The following GRIA2 variants were observed in gnomAD, a reference collection of about 807,000 sequenced individuals.
GRIA2 encodes the protein glutamate ionotropic receptor AMPA type subunit 2.
Under a neutral mutation model 97.3 loss-of-function variants are expected in GRIA2, and 14 were observed. The ratio of observed to expected loss-of-function variants is 0.14; its 90% CI spans 0.10 to 0.23. The LOEUF is 0.23. Among genes scored for constraint, GRIA2 ranks in the 10% least tolerant of loss-of-function variants. The pLI is 1.00. For synonymous variants in GRIA2, 412 were observed against 387.8 expected (o/e 1.06, Z -0.73); for missense variants, 558 against 1,069.8 (o/e 0.52, Z 6.67).
At chr4:157,289,734 G>A (rs1235668265) in intron 2 of GRIA2, among the ~76,000 whole-genome samples, 1 of 151,684 alleles carries the variant, frequency 6.6e-6, no homozygotes, top group Non-Finnish European at 1.5e-5. Flanking sequence ...ACAGTAGCAT[G>A]CAAGCACACA....
intron 3 of GRIA2, among the ~76,000 whole-genome samples, chr4:157,304,741 G>C (rs538452994): frequency 7.2e-5 from 11 of 152,230 alleles, no homozygotes; most frequent in Admixed American, 5.9e-4. Flanking sequence ...AAACCCAGAA[G>C]CCTATTTCGA....
chr4:157,260,563 A>C (rs1452295430), intron 2 of GRIA2, among the ~76,000 whole-genome samples: 2 of 152,068 alleles, frequency 1.3e-5, no homozygotes, highest in Admixed American at 1.3e-4. Flanking sequence ...ATATCCTGGA[A>C]TTTCCATATA....
chr4:157,280,084 C>T (rs1732527795), intron 2 of GRIA2, among the ~76,000 whole-genome samples: 2 of 152,158 alleles, frequency 1.3e-5, no homozygotes, highest in South Asian at 2.1e-4. Flanking sequence ...GAGATCACGC[C>T]ACTGCACTCC....
intron 2 of GRIA2, among the ~76,000 whole-genome samples, chr4:157,295,698 A>G (rs564346742): frequency 2.0e-5 from 3 of 152,284 alleles, no homozygotes; most frequent in African/African-American, 7.2e-5. Context: ...AATGCAAAGT[A>G]GATGGTTTAA....
At chr4:157,253,006 TG>T (rs1437172187) in intron 2 of GRIA2, among the ~76,000 whole-genome samples, 6 of 152,106 alleles carry the variant, frequency 3.9e-5, no homozygotes, top group Admixed American at 6.6e-5. Context: ...CTCCTAATTT[TG>T]GGGGGACCAT....
chr4:157,312,897 A>G, intron 4 of GRIA2, 22 bp downstream of exon 4: 3 of 1,396,604 alleles, frequency 2.1e-6, no homozygotes, highest in Non-Finnish European at 3.0e-6. Flanking sequence ...TCTGTTTTCT[A>G]ATGATGCCAG....
intron 2 of GRIA2, among the ~76,000 whole-genome samples, chr4:157,259,821 C>T (rs2126764955): frequency 6.6e-6 from 1 of 152,190 alleles, no homozygotes; most frequent in African/African-American, 2.4e-5. Flanking sequence ...CCTTATAACT[C>T]ACTGCCAGGT....
chr4:157,345,940 C>A (rs1260694714), intron 12 of GRIA2, among the ~76,000 whole-genome samples: 2 of 152,112 alleles, frequency 1.3e-5, no homozygotes, highest in Admixed American at 1.3e-4. Context: ...AACCATGAGA[C>A]TCTACTATTA....
At position 157,298,513 on chromosome 4, in the gene GRIA2, T is replaced by G. The variant is rs1034254699; in HGVS notation, c.230-5039T>G. Among the ~76,000 whole-genome samples the G allele has an allele frequency of 3.0e-4, 45 of 152,066 alleles. 3 individuals carry two copies. Among genetic ancestry groups the G allele is most frequent in the Non-Finnish European group, 5.9e-5 (4 of 67,960 alleles). Reference sequence around the variant, plus strand: ...GTTCATCAGAATAAAATAAAACATTTTTTCATTATTTTTATGGAATTAGTT... The same window carrying G: ...GTTCATCAGAATAAAATAAAACATTGTTTCATTATTTTTATGGAATTAGTT... On this transcript the variant is annotated intron_variant, in intron 2 of 15. Coordinates refer to ENST00000264426, the MANE Select transcript of GRIA2 (RefSeq NM_001083619.3).
intron 6 of GRIA2, among the ~76,000 whole-genome samples, chr4:157,322,416 A>G (rs956463900): frequency 3.3e-5 from 5 of 152,148 alleles, no homozygotes; most frequent in Admixed American, 1.3e-4. Context: ...TGAACGCTAA[A>G]TATTATTTGT....
chr4:157,363,114 C>G (rs1736709884), intron 15 of GRIA2, 67 bp downstream of exon 15: 1 of 1,478,564 alleles, frequency 6.8e-7, no homozygotes. Context: ...TCCTTAAGCT[C>G]TTTTAAATAA....
rs539668244 is a variant in GRIA2, at chr4:157,323,775, T to C, written c.882+2176T>C. On this transcript the variant is annotated intron_variant, in intron 6 of 15. Coordinates refer to ENST00000264426, the MANE Select transcript of GRIA2 (RefSeq NM_001083619.3). ...GAGAGATGTTTGGCAATGCATTCTG[T>C]TAAAAATTTTGCCAAAACTAGTGCC... Among the ~76,000 whole-genome samples, 39 of 152,246 alleles carry C rather than the reference T, an allele frequency of 2.6e-4. No individual in the cohort carries two copies. The South Asian group carries it at 4.4e-3, about 17-fold the overall frequency.
At chr4:157,345,679 C>A (rs1735734466) in intron 12 of GRIA2, among the ~76,000 whole-genome samples, 1 of 152,102 alleles carries the variant, frequency 6.6e-6, no homozygotes, top group African/African-American at 2.4e-5. Flanking sequence ...AACCACAAAG[C>A]ACAATTATTA....
chr4:157,305,264 G>C (rs1733792250), intron 3 of GRIA2, among the ~76,000 whole-genome samples: 1 of 152,030 alleles, frequency 6.6e-6, no homozygotes, highest in Non-Finnish European at 1.5e-5. Flanking sequence ...TCCTATTGAT[G>C]TGATTTCCAC....
intron 2 of GRIA2, among the ~76,000 whole-genome samples, chr4:157,285,459 C>G (rs1476992543): frequency 1.3e-5 from 2 of 151,246 alleles, no homozygotes; most frequent in Non-Finnish European, 3.0e-5. Flanking sequence ...CTTACACTAC[C>G]TTTTCCTATA....
chr4:157,246,992 T>G (rs1188777381), intron 2 of GRIA2, among the ~76,000 whole-genome samples: 1 of 152,192 alleles, frequency 6.6e-6, no homozygotes, highest in Non-Finnish European at 1.5e-5. Context: ...TTTAACTCAT[T>G]TTCTTTCACT....
At chr4:157,358,685 T>C (rs1223502996) in intron 12 of GRIA2, among the ~76,000 whole-genome samples, 1 of 152,094 alleles carries the variant, frequency 6.6e-6, no homozygotes, top group Admixed American at 6.6e-5. Context: ...AACTTAAGTC[T>C]GAGCATCTCT....
In GRIA2 at chr4:157,360,082, G is replaced by A; in HGVS notation, c.2230G>A (p.Val744Ile). 1 of 1,613,934 alleles carries A rather than the reference G, an allele frequency of 6.2e-7. No homozygotes were observed. The highest frequency in any genetic ancestry group is 2.2e-5 in the East Asian group (1 of 44,850). Residue 744 changes from valine to isoleucine, a missense_variant, in exon 13 of 16, where the codon GTT (valine) becomes ATT (isoleucine). Coordinates refer to ENST00000264426, the MANE Select transcript of GRIA2 (RefSeq NM_001083619.3). ...EQRKPCDTMK[V>I]GGNLDSKGYG... is the part of the protein sequence containing the mutation. ...AAGGAAGCCTTGCGACACCATGAAA[G>A]TTGGTGGAAACCTGGATTCCAAAGG...
intron 2 of GRIA2, among the ~76,000 whole-genome samples, chr4:157,232,571 A>G (rs2126696582): frequency 6.6e-6 from 1 of 152,242 alleles, no homozygotes; most frequent in Non-Finnish European, 1.5e-5. Context: ...TTATGCTATT[A>G]TTACTAATTT....
Sources: gnomAD v4.1 joint callset for allele counts (sites outside exome capture counted in the v4.1 genomes callset) on GRCh38, gnomAD v4.1.1 for gene constraint, MANE v1.5 for transcripts, NCBI Gene and HGNC (gene_info 2026-07-23, HGNC 2026-07-21) for gene names.